The following DCAF5 variants were observed in gnomAD, a reference collection of about 807,000 sequenced individuals.
The protein encoded by DCAF5 is DDB1- and CUL4-associated factor 5.
In DCAF5, 9 loss-of-function variants were observed where a neutral mutation model predicts 80.7. The observed-to-expected ratio is 0.11, with a 90% CI of 0.07 to 0.19. The LOEUF (loss-of-function observed/expected upper bound fraction) is 0.19, where lower values mean the gene tolerates loss of function less well. DCAF5 is among the 10% of genes least tolerant of loss of function. The pLI, the probability that DCAF5 is intolerant of heterozygous loss-of-function variation, is 1.00. For synonymous variants in DCAF5, 433 were observed against 461.9 expected, an observed-to-expected ratio of 0.94 and a Z score of 0.80; for missense variants, 842 against 1,205.7, an observed-to-expected ratio of 0.70 and a Z score of 4.47.
At chr14:69,112,868 G>A (rs1007061587) in intron 5 of DCAF5, among the ~76,000 whole-genome samples, 2 of 152,114 alleles carry the variant, frequency 1.3e-5, no homozygotes, top group African/African-American at 4.8e-5. Flanking sequence ...ACCTGGATCT[G>A]TAACCAAGAA....
intron 6 of DCAF5, among the ~76,000 whole-genome samples, chr14:69,079,000 C>T (rs773635299): frequency 6.6e-6 from 1 of 152,120 alleles, no homozygotes; most frequent in Non-Finnish European, 1.5e-5. Flanking sequence ...GCAGCTGGGA[C>T]TACAGGCGGG....
chr14:69,133,833 C>T (rs376193286), intron 1 of DCAF5, among the ~76,000 whole-genome samples: 1 of 152,234 alleles, frequency 6.6e-6, no homozygotes, highest in East Asian at 1.9e-4. Context: ...AAACACTTTA[C>T]ATTAAATAGG....
chr14:69,051,348 C>T lies in DCAF5; in HGVS notation c.*2509G>A, dbSNP rs1043904725. The T allele has an allele frequency of 6.6e-6, 1 of 152,532 alleles. No homozygotes were observed. Among genetic ancestry groups the T allele is most frequent in the Non-Finnish European group, 1.5e-5 (1 of 68,034 alleles). 9.4% of individuals were successfully genotyped at this position (152,532 alleles called of 1,614,324 possible). ...GGCCTCAATTCTAAAAGAGTTTAGG[C>T]AAAGGTACTCTAGAAGTGGTTCCTG... On this transcript the variant is annotated 3_prime_UTR_variant, in exon 9 of 9. Coordinates refer to ENST00000341516, the MANE Select transcript of DCAF5 (RefSeq NM_003861.3).
rs150567803 is a variant in DCAF5 at position 69,054,211 on chromosome 14, G to A, written c.2475C>T (p.Leu825=). 4,758 of 1,614,218 alleles carry A rather than the reference G, an allele frequency of 2.9e-3. 14 individuals are homozygous for A. Among genetic ancestry groups the A allele is most frequent in the Non-Finnish European group, 3.6e-3 (4,233 of 1,180,040 alleles). ...TGTTGTGGTTGGCACAGATGGTTTCGAGGCTCCTCTCCTCACTGTCATCAG... is the reference window on the plus strand; with the variant it reads ...TGTTGTGGTTGGCACAGATGGTTTCAAGGCTCCTCTCCTCACTGTCATCAG... ...TQSDDSEERS[L]ETICANHNNG... The change falls in exon 9 of 9, where the codon CTC becomes CTT. Residue 825 remains leucine, a synonymous_variant. Transcript: ENST00000341516.
chr14:69,077,946 T>C (rs1201507983), intron 6 of DCAF5, among the ~76,000 whole-genome samples: 1 of 152,188 alleles, frequency 6.6e-6, no homozygotes, highest in Admixed American at 6.5e-5. Context: ...TCAGTTTCTT[T>C]ATCTGCAAAA....
At chr14:69,111,836 CACCT>C (rs1364195960) in intron 5 of DCAF5, among the ~76,000 whole-genome samples, 1 of 152,186 alleles carries the variant, frequency 6.6e-6, no homozygotes, top group Non-Finnish European at 1.5e-5. Context: ...TTTATCCAGT[CACCT>C]ACACTCAAGC....
At chr14:69,151,045 G>T (rs2041686324) in intron 1 of DCAF5, among the ~76,000 whole-genome samples, 1 of 152,176 alleles carries the variant, frequency 6.6e-6, no homozygotes, top group Non-Finnish European at 1.5e-5. Flanking sequence ...GAACTTCTCT[G>T]TTGTAATACA....
In DCAF5 at chr14:69,152,659, G is replaced by T. The variant is rs2041744209; in HGVS notation, c.214+106C>A. 12 of 789,668 alleles carry T rather than the reference G, an allele frequency of 1.5e-5. No homozygotes were observed. Among genetic ancestry groups the T allele is most frequent in the Non-Finnish European group, 2.4e-5 (12 of 498,768 alleles). 48.9% of individuals were successfully genotyped at this position (789,668 alleles called of 1,614,324 possible). A position where few individuals can be genotyped will look rare whatever the true frequency, so the allele number is the denominator to read the frequency against. On this transcript the variant is annotated intron_variant, in intron 1 of 8. Coordinates refer to ENST00000341516, the MANE Select transcript of DCAF5 (RefSeq NM_003861.3). This position sits in a 1 kb window ranked among gnomAD's most constrained non-coding sequence, Gnocchi z 4.1. ...CCCACCGCAGAAGGGGGTAGAGAAA[G>T]GGAGGGGGTGGGGACAGAGGGCAGG... is the stretch of plus-strand genomic sequence containing the variant.
chr14:69,072,715 A>G (rs2038747160), intron 7 of DCAF5, among the ~76,000 whole-genome samples: 1 of 152,104 alleles, frequency 6.6e-6, no homozygotes, highest in African/African-American at 2.4e-5. Context: ...TCCCCAAATG[A>G]GTCAAGACAT....
intron 5 of DCAF5, among the ~76,000 whole-genome samples, chr14:69,114,953 A>G (rs543966322): frequency 2.6e-5 from 4 of 152,316 alleles, no homozygotes; most frequent in African/African-American, 4.8e-5. Context: ...CACTGGAGAT[A>G]AACAGCTCAG....
intron 5 of DCAF5, among the ~76,000 whole-genome samples, chr14:69,114,674 GTTTT>G (rs375971027): frequency 1.4e-4 from 22 of 152,172 alleles, no homozygotes; most frequent in African/African-American, 5.1e-4. Flanking sequence ...GATGGAACTT[GTTTT>G]TTTGTTTTTA....
chr14:69,141,601 C>T (rs896733760), intron 1 of DCAF5, among the ~76,000 whole-genome samples: 2 of 152,088 alleles, frequency 1.3e-5, no homozygotes, highest in Non-Finnish European at 2.9e-5. Flanking sequence ...TACACTGGGA[C>T]AATGGGAGAG....
At chr14:69,091,332 G>A (rs1248514205) in intron 6 of DCAF5, among the ~76,000 whole-genome samples, 2 of 151,910 alleles carry the variant, frequency 1.3e-5, no homozygotes, top group African/African-American at 4.8e-5. Context: ...TTTTTTTAAT[G>A]TCTCTCTCAC....
At chr14:69,061,080 A>G (rs1481605324) in intron 8 of DCAF5, among the ~76,000 whole-genome samples, 2 of 151,930 alleles carry the variant, frequency 1.3e-5, no homozygotes, top group Non-Finnish European at 2.9e-5. Context: ...AACATGGTTC[A>G]CTGTAGCACG....
intron 6 of DCAF5, among the ~76,000 whole-genome samples, chr14:69,076,314 G>A (rs1408787423): frequency 1.3e-5 from 2 of 152,112 alleles, no homozygotes; most frequent in African/African-American, 4.8e-5. Flanking sequence ...TTGAAAGCAC[G>A]GACTCTAAGA....
At chr14:69,100,863 A>G (rs886127788) in intron 5 of DCAF5, among the ~76,000 whole-genome samples, 1 of 152,250 alleles carries the variant, frequency 6.6e-6, no homozygotes. Flanking sequence ...CTCCCAACAC[A>G]TAAAACATAA....
intron 1 of DCAF5, among the ~76,000 whole-genome samples, chr14:69,149,893 A>C (rs2041650475): frequency 6.6e-6 from 1 of 152,244 alleles, no homozygotes; most frequent in African/African-American, 2.4e-5. Flanking sequence ...ATAGATAAGA[A>C]AAAAATATAA....
intron 5 of DCAF5, among the ~76,000 whole-genome samples, chr14:69,114,598 A>G (rs908621512): frequency 1.3e-5 from 2 of 152,256 alleles, no homozygotes; most frequent in East Asian, 1.9e-4. Flanking sequence ...CAGACACTAG[A>G]AAGAAGCAGA....
At chr14:69,062,835 T>C (rs2038270746) in intron 7 of DCAF5, among the ~76,000 whole-genome samples, 1 of 152,146 alleles carries the variant, frequency 6.6e-6, no homozygotes, top group East Asian at 1.9e-4. Flanking sequence ...AGTGTTACCT[T>C]AGAAAAGGCC....
Sources: allele counts gnomAD v4.1 joint callset (sites outside exome capture counted in the v4.1 genomes callset), GRCh38; gene constraint gnomAD v4.1.1; non-coding constraint Gnocchi (gnomAD v3.1); transcripts MANE v1.5; gene names NCBI Gene and HGNC (gene_info 2026-07-23, HGNC 2026-07-21).